PKN2: variants seen among roughly 807,000 people sequenced by gnomAD.
The protein encoded by PKN2 is protein kinase N2.
A neutral mutation model predicts 119.1 loss-of-function variants in PKN2; 38 were observed. The observed-to-expected ratio is 0.32, with a 90% CI of 0.25 to 0.42. The LOEUF (loss-of-function observed/expected upper bound fraction) is 0.42, where lower values mean the gene tolerates loss of function less well. PKN2 is among the 10% of genes least tolerant of loss of function. PKN2 has a pLI of 1.00. For synonymous variants in PKN2, 390 were observed against 384.9 expected (o/e 1.01, Z -0.15); for missense variants, 850 against 1,165.1 (o/e 0.73, Z 3.94).
At chr1:88,820,769 GAA>G (rs1672249139) in intron 16 of PKN2, among the ~76,000 whole-genome samples, 1 of 152,060 alleles carries the variant, frequency 6.6e-6, no homozygotes, top group Non-Finnish European at 1.5e-5. Context: ...GTTTTATAGA[GAA>G]AATATTCATG....
At chr1:88,776,654 C>CCCA (rs1433954757) in intron 6 of PKN2, among the ~76,000 whole-genome samples, 1 of 151,540 alleles carries the variant, frequency 6.6e-6, no homozygotes. Context: ...GCAGGAGAAT[C>CCCA]GTTTGAACGC....
intron 1 of PKN2, among the ~76,000 whole-genome samples, chr1:88,736,315 C>G (rs539950203): frequency 3.3e-5 from 5 of 152,042 alleles, no homozygotes; most frequent in Admixed American, 6.6e-5. Flanking sequence ...TTTCCTGGTG[C>G]CTTATTTTGT....
chr1:88,716,134 C>G (rs569414501), intron 1 of PKN2, among the ~76,000 whole-genome samples: 2 of 152,124 alleles, frequency 1.3e-5, no homozygotes, highest in Non-Finnish European at 1.5e-5. Context: ...GAGTTCTAAT[C>G]TGATTGCACT....
intron 1 of PKN2, among the ~76,000 whole-genome samples, chr1:88,734,754 G>T (rs1668272718): frequency 6.6e-6 from 1 of 151,950 alleles, no homozygotes; most frequent in Non-Finnish European, 1.5e-5. Flanking sequence ...TATTTTTGGT[G>T]TATTTCTTAT....
At chr1:88,715,339 A>G (rs968816811) in intron 1 of PKN2, among the ~76,000 whole-genome samples, 1 of 152,222 alleles carries the variant, frequency 6.6e-6, no homozygotes, top group Non-Finnish European at 1.5e-5. Flanking sequence ...TTCAGAAGGA[A>G]TGGTACCAGC....
Position 88,835,795 on chromosome 1 carries a change from G to A in PKN2, c.*2347G>A, listed in dbSNP as rs1233193850. The A allele has an allele frequency of 6.6e-6, 1 of 152,278 alleles. No homozygotes were observed. The highest frequency in any genetic ancestry group is 1.5e-5 in the Non-Finnish European group (1 of 67,898). 9.4% of individuals were successfully genotyped at this position (152,278 alleles called of 1,614,324 possible). A position where few individuals can be genotyped will look rare whatever the true frequency, so the allele number is the denominator to read the frequency against. On this transcript the variant is annotated 3_prime_UTR_variant, in exon 22 of 22. Coordinates refer to ENST00000370521, the MANE Select transcript of PKN2 (RefSeq NM_006256.4). The stretch of plus-strand genomic sequence containing the variant: ...GCACAAATTAAAGTCTATATAGATT[G>A]AAATTTGTAACTTTGGTTTTAAGTA...
At chr1:88,830,900 T>G (rs907419314) in intron 19 of PKN2, among the ~76,000 whole-genome samples, 2 of 152,128 alleles carry the variant, frequency 1.3e-5, no homozygotes, top group Admixed American at 1.3e-4. Context: ...TAGTGATAAC[T>G]CCTTTTTAAC....
At chr1:88,732,936 G>C (rs551548335) in intron 1 of PKN2, among the ~76,000 whole-genome samples, 4 of 152,286 alleles carry the variant, frequency 2.6e-5, no homozygotes, top group African/African-American at 9.6e-5. Flanking sequence ...TTCATAGGTG[G>C]AATCTAAAAG....
Position 88,726,153 on chromosome 1 carries a change from T to A in PKN2, c.49-14835T>A, listed in dbSNP as rs1354154512. Reference sequence around the variant, plus strand: ...CTGTTATCTGCTAATAGGGGGAGTTTTATTTCCCAGTTTATATGCTTTTTA... The same window carrying A: ...CTGTTATCTGCTAATAGGGGGAGTTATATTTCCCAGTTTATATGCTTTTTA... On this transcript the variant is annotated intron_variant, in intron 1 of 21. Transcript: ENST00000370521. Among the ~76,000 whole-genome samples, 3 of 152,198 alleles carry A rather than the reference T, an allele frequency of 2.0e-5. 1 individual carries two copies. The Middle Eastern group carries it at 9.5e-3, about 482-fold the overall frequency.
rs1443845244 is a variant in PKN2, at chr1:88,820,217, TATATATATATATATATAA to T, written c.2280-1720_2280-1703del. Among the ~76,000 whole-genome samples the T allele has an allele frequency of 8.6e-4, 61 of 71,312 alleles. 1 individual carries two copies. The highest frequency in any genetic ancestry group is 2.9e-3 in the African/African-American group (48 of 16,496). The allele number at this position is 71,312 out of a possible 152,430, so 46.8% of individuals were successfully genotyped here. A position where few individuals can be genotyped will look rare whatever the true frequency, so the allele number is the denominator to read the frequency against. ...ATATATATATATATATATATATATATATATATATATATATATAAATAGAAAAAAATAAAAATGCGAGGC... is the reference window on the plus strand; with the variant it reads ...ATATATATATATATATATATATATATATAGAAAAAAATAAAAATGCGAGGC... On this transcript the variant is annotated intron_variant, in intron 16 of 21. Coordinates refer to ENST00000370521, the MANE Select transcript of PKN2 (RefSeq NM_006256.4).
chr1:88,704,965 A>G (rs1429122727), intron 1 of PKN2, among the ~76,000 whole-genome samples: 1 of 152,020 alleles, frequency 6.6e-6, no homozygotes, highest in Non-Finnish European at 1.5e-5. Flanking sequence ...TGCTATCTGT[A>G]TATCCTCTTT....
intron 6 of PKN2, among the ~76,000 whole-genome samples, chr1:88,777,137 T>C (rs139835772): frequency 1.3e-5 from 2 of 152,324 alleles, no homozygotes. Context: ...GCAATTGATC[T>C]ACCTTCAAAT....
intron 8 of PKN2, among the ~76,000 whole-genome samples, chr1:88,802,009 C>T (rs1212423226): frequency 6.6e-6 from 1 of 152,166 alleles, no homozygotes; most frequent in Non-Finnish European, 1.5e-5. Context: ...AAGGAAGCAA[C>T]AACATTTCCA....
rs1436969946 is a variant in PKN2, at chr1:88,741,056, A to G, written c.117A>G (p.Thr39=). 1 of 1,606,392 alleles carries G rather than the reference A, an allele frequency of 6.2e-7. No individual in the cohort carries two copies. Among genetic ancestry groups the G allele is most frequent in the Non-Finnish European group, 8.5e-7 (1 of 1,177,614 alleles). The change falls in exon 2 of 22, where the codon ACA becomes ACG. Residue 39 remains threonine, a synonymous_variant. Coordinates refer to ENST00000370521, the MANE Select transcript of PKN2 (RefSeq NM_006256.4). ...TTCAAAAATTAGACTTTTCAGATAC[A>G]ATGGTGCAGCAGAAATTGGATGATA... ...SAVQKLDFSD[T]MVQQKLDDIK...
At chr1:88,774,511 C>G (rs1360717816) in intron 6 of PKN2, among the ~76,000 whole-genome samples, 1 of 152,168 alleles carries the variant, frequency 6.6e-6, no homozygotes, top group Non-Finnish European at 1.5e-5. Flanking sequence ...GCACGCCTAT[C>G]ACTGGGGGAA....
intron 3 of PKN2, among the ~76,000 whole-genome samples, chr1:88,765,685 T>C (rs1669641755): frequency 6.6e-6 from 1 of 152,240 alleles, no homozygotes; most frequent in African/African-American, 2.4e-5. Context: ...GTCGTCGTTA[T>C]AAAAGCACTT....
At chr1:88,714,654 A>G (rs993036993) in intron 1 of PKN2, among the ~76,000 whole-genome samples, 6 of 152,186 alleles carry the variant, frequency 3.9e-5, no homozygotes, top group Non-Finnish European at 7.3e-5. Context: ...GTTACTTATC[A>G]GGTTAAGGAG....
chr1:88,703,196 A>G (rs1037474795), intron 1 of PKN2, among the ~76,000 whole-genome samples: 1 of 152,000 alleles, frequency 6.6e-6, no homozygotes, highest in African/African-American at 2.4e-5. Context: ...ATGCTGAGCA[A>G]CCAAAGTTTT....
intron 1 of PKN2, among the ~76,000 whole-genome samples, chr1:88,708,228 A>G (rs1447448892): frequency 1.3e-5 from 2 of 152,116 alleles, no homozygotes; most frequent in African/African-American, 4.8e-5. Flanking sequence ...AAACCTGTAG[A>G]TCTTGTATTG....
Sources: allele counts gnomAD v4.1 joint callset (sites outside exome capture counted in the v4.1 genomes callset), GRCh38; gene constraint gnomAD v4.1.1; transcripts MANE v1.5; gene names NCBI Gene and HGNC (gene_info 2026-07-23, HGNC 2026-07-21).